PTPRB: variants seen among roughly 807,000 people sequenced by gnomAD.
The protein encoded by PTPRB is receptor-type tyrosine-protein phosphatase beta.
In PTPRB, 97 loss-of-function variants were observed where a neutral mutation model predicts 238.1. That is an observed-to-expected ratio of 0.41 (90% CI 0.35 to 0.48). The LOEUF is 0.48. PTPRB is among the 20% of genes least tolerant of loss of function. PTPRB has a pLI of 0.30. For synonymous variants in PTPRB, 970 were observed against 995.4 expected, an observed-to-expected ratio of 0.97 and a Z score of 0.48; for missense variants, 2,292 against 2,681.9, an observed-to-expected ratio of 0.85 and a Z score of 3.21.
chr12:70,584,228 G>C (rs1592533928), intron 9 of PTPRB, among the ~76,000 whole-genome samples: 1 of 152,154 alleles, frequency 6.6e-6, no homozygotes, highest in East Asian at 1.9e-4. Context: ...TACCTATACT[G>C]TAGTTCAGAG....
chr12:70,596,208 C>T lies in PTPRB; in HGVS notation c.1099G>A (p.Glu367Lys). 3 of 1,613,662 alleles carry T rather than the reference C, an allele frequency of 1.9e-6. No individual in the cohort carries two copies. Among genetic ancestry groups the T allele is most frequent in the Middle Eastern group, 3.3e-4 (2 of 6,060 alleles). The change falls in exon 5 of 34, where the codon GAA (glutamate) becomes AAA (lysine). Residue 367 changes from glutamate (E) to lysine (K), a missense_variant. Glu to Lys is a moderately conservative substitution (Grantham distance 56, BLOSUM62 1). Transcript: ENST00000334414. ...ACCCCCTGTATCTTTTGGTTATTTT[C>T]ATCAAATAATTGCACCTCATATGAG... is the stretch of plus-strand genomic sequence containing the variant. Reference protein sequence around the residue: ...VTSYEVQLFDENNQKIQGVQI... With the variant: ...VTSYEVQLFDKNNQKIQGVQI...
chr12:70,534,511 A>G lies in PTPRB; in HGVS notation c.6345T>C (p.Ala2115=). ...ACCTGCAGTGCACCACAGTGGGCCC[A>G]GCACCCGGGCTTCTGTTGATGTAGT... ...VRDYINRSPG[A]GPTVVHCSAG... The change falls in exon 31 of 34, where the codon GCT becomes GCC. Residue 2115 remains alanine (A), a synonymous_variant. Coordinates refer to ENST00000334414, the MANE Select transcript of PTPRB (RefSeq NM_001109754.4). 3 of 1,612,946 alleles carry G rather than the reference A, an allele frequency of 1.9e-6. No homozygotes were observed. Among genetic ancestry groups the G allele is most frequent in the Non-Finnish European group, 2.5e-6 (3 of 1,179,696 alleles).
Position 70,518,757 on chromosome 12 carries a change from G to A in PTPRB, c.*2732C>T, listed in dbSNP as rs1871382993. ...ATACAAAATTGATTTAATGAGATGAGGTTAAAGGAGTTAATTATAACGAAC... is the reference window on the plus strand; with the variant it reads ...ATACAAAATTGATTTAATGAGATGAAGTTAAAGGAGTTAATTATAACGAAC... On this transcript the variant is annotated 3_prime_UTR_variant, in exon 34 of 34. Transcript: ENST00000334414. 6.6e-6 allele frequency: 1 copy of A among 152,006 alleles called. No individual in the cohort carries two copies. The highest frequency in any genetic ancestry group is 1.5e-5 in the Non-Finnish European group (1 of 67,990). The allele number at this position is 152,006 out of a possible 1,614,324, so 9.4% of individuals were successfully genotyped here.
intron 14 of PTPRB, among the ~76,000 whole-genome samples, chr12:70,569,120 G>A (rs1033127638): frequency 6.6e-6 from 1 of 151,852 alleles, no homozygotes; most frequent in Admixed American, 6.6e-5. Flanking sequence ...CTTATTTATT[G>A]GGACAGGGTC....
chr12:70,538,142 G>C lies in PTPRB; in HGVS notation c.5946+13C>G, dbSNP rs766226899. ...GCCTCATCCTGAACACTATGGCCTAGTGGGTCACTTACAGGGATGTAGCTG... is the reference window on the plus strand; with the variant it reads ...GCCTCATCCTGAACACTATGGCCTACTGGGTCACTTACAGGGATGTAGCTG... On this transcript the variant is annotated intron_variant, in intron 28 of 33. Transcript: ENST00000334414. The C allele has an allele frequency of 9.9e-6, 16 of 1,608,502 alleles. No homozygotes were observed. Among genetic ancestry groups the C allele is most frequent in the Non-Finnish European group, 1.4e-5 (16 of 1,176,328 alleles).
intron 32 of PTPRB, chr12:70,527,785 G>A (rs1030796593): frequency 6.6e-6 from 1 of 152,126 alleles, no homozygotes; most frequent in Admixed American, 6.5e-5. Flanking sequence ...AATAATACAA[G>A]GGGTCCAAAT....
At chr12:70,570,117 A>T (rs529872883) in intron 13 of PTPRB, among the ~76,000 whole-genome samples, 179 bp from the exon 14 acceptor site, 18 of 152,214 alleles carry the variant, frequency 1.2e-4, no homozygotes, top group Middle Eastern at 3.4e-3. Flanking sequence ...TGATGGGGGA[A>T]AGCTTAGGGG....
intron 2 of PTPRB, among the ~76,000 whole-genome samples, chr12:70,622,931 C>T (rs1885010195): frequency 6.8e-6 from 1 of 146,076 alleles, no homozygotes. Context: ...GAGAATTAAA[C>T]CTATTCTATG....
intron 14 of PTPRB, 126 bp downstream of exon 14, chr12:70,569,549 C>T (rs1879763887): frequency 8.8e-7 from 1 of 1,131,434 alleles, no homozygotes; most frequent in Non-Finnish European, 1.3e-6. Context: ...CTCTTGAAAC[C>T]ATTGAATTGT....
chr12:70,574,435 G>A (rs1431258), intron 11 of PTPRB, among the ~76,000 whole-genome samples: 7,193 of 152,276 alleles, frequency 0.047, 494 homozygotes, highest in African/African-American at 0.15. Context: ...GAGTTAAGGA[G>A]AGGAAATTAT....
intron 3 of PTPRB, among the ~76,000 whole-genome samples, chr12:70,617,559 A>T (rs576225422): frequency 6.6e-6 from 1 of 150,822 alleles, no homozygotes; most frequent in Admixed American, 6.6e-5. Flanking sequence ...ATTTTTTCCC[A>T]TCTTTAGTTC....
intron 3 of PTPRB, among the ~76,000 whole-genome samples, chr12:70,611,362 C>T (rs973598009): frequency 3.9e-5 from 6 of 152,298 alleles, no homozygotes; most frequent in East Asian, 3.9e-4. Flanking sequence ...GATTTCAGCT[C>T]ACTGCAACCT....
intron 33 of PTPRB, among the ~76,000 whole-genome samples, chr12:70,523,695 G>A (rs1331693257): frequency 6.6e-6 from 1 of 151,986 alleles, no homozygotes; most frequent in Non-Finnish European, 1.5e-5. Context: ...CTTCCCCGTT[G>A]CCACTCTTTA....
chr12:70,571,994 T>G lies in PTPRB; in HGVS notation c.2936A>C (p.His979Pro), dbSNP rs1175228236. 6.2e-7 allele frequency: 1 copy of G among 1,613,970 alleles called. No individual in the cohort carries two copies. Among genetic ancestry groups the G allele is most frequent in the South Asian group, 1.1e-5 (1 of 91,084 alleles). ...SWVHATGDFDHYEVTIKNKNN... is the reference protein window; with the variant it reads ...SWVHATGDFDPYEVTIKNKNN... ...TTTGTTTTTAATGGTGACTTCATAG[T>G]GATCAAAGTCTCCAGTGGCATGCAC... is the stretch of plus-strand genomic sequence containing the variant. The change falls in exon 12 of 34, where the codon CAC (histidine) becomes CCC (proline). Residue 979 changes from histidine to proline, a missense_variant. Physicochemically the swap from His to Pro is moderately conservative, Grantham distance 77. Transcript: ENST00000334414.
chr12:70,570,781 C>A (rs532306823), intron 13 of PTPRB, among the ~76,000 whole-genome samples: 1 of 152,118 alleles, frequency 6.6e-6, no homozygotes, highest in South Asian at 2.1e-4. Context: ...GAAGCACCAG[C>A]TGATCACATC....
chr12:70,572,191 G>A (rs1880146303), intron 11 of PTPRB, 104 bp from the exon 12 acceptor site: 2 of 1,223,456 alleles, frequency 1.6e-6, no homozygotes, highest in East Asian at 2.3e-5. Flanking sequence ...GATTATTATT[G>A]TGTGCATTTA....
chr12:70,527,748 A>C (rs1041375507), intron 32 of PTPRB: 4 of 152,178 alleles, frequency 2.6e-5, no homozygotes, highest in African/African-American at 9.7e-5. Context: ...GGTAAGTTGA[A>C]GTTCACTGTC....
intron 2 of PTPRB, among the ~76,000 whole-genome samples, chr12:70,629,021 C>G (rs761250891): frequency 6.6e-6 from 1 of 152,078 alleles, no homozygotes; most frequent in South Asian, 2.1e-4. Flanking sequence ...ACTGTTCTGA[C>G]AGTAAACACT....
At chr12:70,635,095 T>C (rs1885622582) in intron 2 of PTPRB, among the ~76,000 whole-genome samples, 1 of 152,160 alleles carries the variant, frequency 6.6e-6, no homozygotes, top group Non-Finnish European at 1.5e-5. Flanking sequence ...GTCAATAAAT[T>C]AGAAAAATCT....
Sources: allele counts gnomAD v4.1 joint callset (sites outside exome capture counted in the v4.1 genomes callset), GRCh38; gene constraint gnomAD v4.1.1; transcripts MANE v1.5; gene names NCBI Gene and HGNC (gene_info 2026-07-23, HGNC 2026-07-21).